Variants in GON4L observed in about 807,000 individuals in gnomAD.
GON4L encodes the protein GON-4-like protein.
GON4L carries 87 observed loss-of-function variants against 211.8 expected under a neutral mutation model. That is an observed-to-expected ratio of 0.41 (90% CI 0.35 to 0.49). GON4L has a LOEUF of 0.49. Ranked by LOEUF, GON4L falls within the 20% of genes least tolerant of loss-of-function variation. The pLI is 0.15. For synonymous variants in GON4L, 875 were observed against 962.6 expected, an observed-to-expected ratio of 0.91 and a Z score of 1.68; for missense variants, 2,155 against 2,659.5, an observed-to-expected ratio of 0.81 and a Z score of 4.17.
intron 2 of GON4L, among the ~76,000 whole-genome samples, chr1:155,852,978 G>A (rs1671947435): frequency 6.6e-6 from 1 of 152,130 alleles, no homozygotes; most frequent in African/African-American, 2.4e-5. Flanking sequence ...CTGGCGTGGT[G>A]GCGCATGCCT....
At chr1:155,791,598 C>T (rs570946792) in intron 12 of GON4L, among the ~76,000 whole-genome samples, 32 of 150,780 alleles carry the variant, frequency 2.1e-4, no homozygotes, top group African/African-American at 6.6e-4. Context: ...GGGCACAGTG[C>T]GGCTCATGAC....
intron 2 of GON4L, among the ~76,000 whole-genome samples, chr1:155,851,944 C>T (rs1671834168): frequency 6.6e-6 from 1 of 151,822 alleles, no homozygotes; most frequent in Non-Finnish European, 1.5e-5. Context: ...GTACGTGGAT[C>T]ACCTGAGGTC....
chr1:155,774,779 T>C lies in GON4L; in HGVS notation c.2350+223A>G, dbSNP rs1250706867. The stretch of plus-strand genomic sequence containing the variant: ...CTCAGATCTCTACCTCCCATATTCC[T>C]ATACTGTCCACTGCCTCCACACTTT... On this transcript the variant is annotated intron_variant, in intron 17 of 31. Transcript: ENST00000368331. 14 of 672,654 alleles carry C rather than the reference T, an allele frequency of 2.1e-5. No homozygotes were observed. In the Admixed American group the frequency reaches 2.7e-4, roughly 13 times the overall value. The allele number at this position is 672,654 out of a possible 1,614,324, so 41.7% of individuals were successfully genotyped here.
intron 2 of GON4L, among the ~76,000 whole-genome samples, chr1:155,835,824 C>G (rs145520631): frequency 6.6e-6 from 1 of 152,306 alleles, no homozygotes; most frequent in African/African-American, 2.4e-5. Flanking sequence ...CCTTCCAGTG[C>G]GAAGCCAAGA....
rs185448282 is a variant in GON4L, at chr1:155,761,089, T to C, written c.4912-448A>G. 3.9e-5 allele frequency among the ~76,000 whole-genome samples: 6 copies of C among 152,160 alleles called. No homozygotes were observed. In the East Asian group the frequency reaches 1.2e-3, roughly 29 times the overall value. Reference sequence around the variant, plus strand: ...GACTATCATTGCCAGTATTCTGCTTTCCAGGGGGATAAAGGAATCAGGTGG... The same window carrying C: ...GACTATCATTGCCAGTATTCTGCTTCCCAGGGGGATAAAGGAATCAGGTGG... On this transcript the variant is annotated intron_variant, in intron 23 of 31. Transcript: ENST00000368331.
intron 2 of GON4L, among the ~76,000 whole-genome samples, chr1:155,833,421 G>A (rs1669977611): frequency 6.6e-6 from 1 of 151,728 alleles, no homozygotes; most frequent in Non-Finnish European, 1.5e-5. Flanking sequence ...AGGCCGAGGC[G>A]GGCAGATCAC....
rs775374869 is a variant in GON4L at position 155,815,838 on chromosome 1, C to T, written c.1128G>A (p.Pro376=). 2.0e-4 allele frequency: 327 copies of T among 1,607,220 alleles called. 4 individuals are homozygous for T. In the South Asian group the frequency reaches 3.5e-3, roughly 17 times the overall value. The change falls in exon 8 of 32, where the codon CCG becomes CCA. Residue 376 remains proline, a synonymous_variant. Coordinates refer to ENST00000368331, the MANE Select transcript of GON4L (RefSeq NM_001282860.2). ...CAGTTTCATCTTCTTCTTCATCATC[C>T]GGCTGGTATTCTTCATCTGAGGAAT... ...EDDSSDEEYQ[P]DDEEEDETAE... is the part of the protein sequence containing the mutation.
intron 2 of GON4L, among the ~76,000 whole-genome samples, chr1:155,848,842 G>A (rs535321402): frequency 1.3e-5 from 2 of 152,312 alleles, no homozygotes; most frequent in South Asian, 4.1e-4. Flanking sequence ...TACTGCAATG[G>A]TTTACTAAAA....
At chr1:155,807,522 G>A (rs1446870204) in intron 10 of GON4L, among the ~76,000 whole-genome samples, 2 of 151,764 alleles carry the variant, frequency 1.3e-5, no homozygotes, top group Non-Finnish European at 2.9e-5. Flanking sequence ...CTGGCTAACA[G>A]TGAAACCCCG....
At chr1:155,827,293 TGTAAA>T (rs1170956591) in intron 2 of GON4L, among the ~76,000 whole-genome samples, 1 of 152,198 alleles carries the variant, frequency 6.6e-6, no homozygotes, top group Non-Finnish European at 1.5e-5. Flanking sequence ...AAATCAGACT[TGTAAA>T]GGAAATTCCT....
chr1:155,756,251 C>T (rs1661168006), intron 27 of GON4L, among the ~76,000 whole-genome samples: 1 of 152,152 alleles, frequency 6.6e-6, no homozygotes, highest in South Asian at 2.1e-4. Context: ...TAGCTGCTAT[C>T]ATTATTATTA....
At chr1:155,773,013 C>T in intron 18 of GON4L, 53 bp downstream of exon 18, 1 of 1,606,218 alleles carries the variant, frequency 6.2e-7, no homozygotes, top group South Asian at 1.1e-5. Context: ...AAAGGAACTA[C>T]ATCTTCTCCT....
chr1:155,766,828 T>C, intron 20 of GON4L, 119 bp from the exon 21 acceptor site: 1 of 1,491,554 alleles, frequency 6.7e-7, no homozygotes, highest in East Asian at 2.3e-5. Flanking sequence ...GGCAGATCAC[T>C]TGAGGTCAGG....
Position 155,756,161 on chromosome 1 carries a change from T to C in GON4L, c.5517+797A>G, listed in dbSNP as rs544056889. On this transcript the variant is annotated intron_variant, in intron 27 of 31. Transcript: ENST00000368331. The stretch of plus-strand genomic sequence containing the variant: ...AAACAAGAGCAATCTCTCCATAGGA[T>C]TACTGTGAGAATTAAATGTGTCAAT... Among the ~76,000 whole-genome samples the C allele has an allele frequency of 3.3e-5, 5 of 152,222 alleles. No homozygotes were observed. The South Asian group carries it at 1.0e-3, about 32-fold the overall frequency.
At chr1:155,787,289 T>TG (rs1224054242) in intron 12 of GON4L, among the ~76,000 whole-genome samples, 2 of 152,108 alleles carry the variant, frequency 1.3e-5, no homozygotes, top group African/African-American at 4.8e-5. Flanking sequence ...CTGAAAGTTT[T>TG]GGTTGTTACA....
chr1:155,748,065 T>C (rs1055999203), downstream of GON4L: 8 of 1,608,280 alleles, frequency 5.0e-6, no homozygotes, highest in Admixed American at 1.0e-4. Context: ...CCCCTTGTCC[T>C]TGGGTGGGAG....
At chr1:155,752,633 G>C in intron 29 of GON4L, 43 bp from the exon 30 acceptor site, 5 of 1,556,080 alleles carry the variant, frequency 3.2e-6, no homozygotes, top group Non-Finnish European at 3.5e-6. Flanking sequence ...TCAGGTTCAA[G>C]ATGCACCTAA....
At chr1:155,784,925 C>T (rs941002776) in intron 13 of GON4L, 47 of 315,640 alleles carry the variant, frequency 1.5e-4, no homozygotes, top group African/African-American at 9.1e-4. Flanking sequence ...ACAACCTGAG[C>T]AATGTGGTAA....
intron 15 of GON4L, 33 bp downstream of exon 15, chr1:155,777,589 A>G (rs1375424122): frequency 6.5e-7 from 1 of 1,538,516 alleles, no homozygotes; most frequent in Admixed American, 1.7e-5. Flanking sequence ...AAAAAAAAAA[A>G]TCCAATGTTA....
Sources: allele counts gnomAD v4.1 joint callset (sites outside exome capture counted in the v4.1 genomes callset), GRCh38; gene constraint gnomAD v4.1.1; transcripts MANE v1.5; gene names NCBI Gene and HGNC (gene_info 2026-07-23, HGNC 2026-07-21).